Variants in SHISA9 observed in about 807,000 individuals in gnomAD.
SHISA9 encodes protein shisa-9.
SHISA9 carries 13 observed loss-of-function variants against 38.0 expected under a neutral mutation model. The observed-to-expected ratio is 0.34, with a 90% CI of 0.22 to 0.54. SHISA9 has a LOEUF of 0.54. Among genes scored for constraint, SHISA9 ranks in the 20% least tolerant of loss-of-function variants. The pLI is 0.91. For missense variants in SHISA9, 538 were observed against 575.8 expected (o/e 0.93, Z 0.67); for synonymous variants, 275 against 242.0 (o/e 1.14, Z -1.27).
chr16:13,322,710 G>A, the SHISA9 span, among the ~76,000 whole-genome samples: 1 of 152,110 alleles, frequency 6.6e-6, no homozygotes, highest in African/African-American at 2.4e-5. Context: ...TGGGGATGTG[G>A]GTGGTTGCAA....
intron 2 of SHISA9, among the ~76,000 whole-genome samples, chr16:13,139,482 C>T (rs1283103649): frequency 3.3e-5 from 5 of 149,400 alleles, no homozygotes; most frequent in Non-Finnish European, 5.9e-5. Flanking sequence ...TCCTTCCTTC[C>T]TGTCTTTCTT....
At chr16:13,049,265 G>C (rs941773398) in intron 2 of SHISA9, among the ~76,000 whole-genome samples, 1 of 151,096 alleles carries the variant, frequency 6.6e-6, no homozygotes, top group African/African-American at 2.4e-5. Context: ...TTGCCTCATA[G>C]ATATCTAGGA....
chr16:13,417,645 A>G, the SHISA9 span, among the ~76,000 whole-genome samples: 3 of 152,232 alleles, frequency 2.0e-5, no homozygotes, highest in Admixed American at 6.5e-5. Context: ...ACTGAATGTC[A>G]TCGTAGTGGG....
chr16:13,525,382 C>A, the SHISA9 span, among the ~76,000 whole-genome samples: 1 of 152,118 alleles, frequency 6.6e-6, no homozygotes, highest in Non-Finnish European at 1.5e-5. Context: ...AAAAAAGCTG[C>A]AGTTACATTA....
At chr16:13,397,256 G>A in the SHISA9 span, among the ~76,000 whole-genome samples, 1 of 152,296 alleles carries the variant, frequency 6.6e-6, no homozygotes, top group South Asian at 2.1e-4. Flanking sequence ...CCCTGGCAGG[G>A]CTTGTAATGG....
the SHISA9 span, among the ~76,000 whole-genome samples, chr16:13,367,693 T>TGCGTGCGC: frequency 1.1e-4 from 9 of 80,286 alleles, no homozygotes; most frequent in South Asian, 6.0e-3. Flanking sequence ...TACACGCGTG[T>TGCGTGCGC]GCGTGCGCGC....
chr16:13,020,774 C>T (rs543526210), intron 2 of SHISA9, among the ~76,000 whole-genome samples: 1 of 152,294 alleles, frequency 6.6e-6, no homozygotes, highest in East Asian at 1.9e-4. Context: ...GATACCAGAC[C>T]TCTGGTATTT....
At chr16:13,160,659 G>C (rs1289146696) in intron 2 of SHISA9, among the ~76,000 whole-genome samples, 1 of 152,170 alleles carries the variant, frequency 6.6e-6, no homozygotes, top group Non-Finnish European at 1.5e-5. Context: ...ATTTTATTAT[G>C]CGCTCTTTGG....
At chr16:13,406,691 A>T in the SHISA9 span, among the ~76,000 whole-genome samples, 2 of 152,214 alleles carry the variant, frequency 1.3e-5, no homozygotes, top group East Asian at 3.9e-4. Context: ...ACACATTAGG[A>T]TTTTCTGACC....
the SHISA9 span, among the ~76,000 whole-genome samples, chr16:13,380,422 C>T: frequency 6.6e-6 from 1 of 152,114 alleles, no homozygotes; most frequent in Non-Finnish European, 1.5e-5. Flanking sequence ...ATCAGTATGA[C>T]ATTGGATTTT....
chr16:13,320,434 G>A, the SHISA9 span, among the ~76,000 whole-genome samples: 1 of 151,754 alleles, frequency 6.6e-6, no homozygotes, highest in Non-Finnish European at 1.5e-5. Flanking sequence ...TCTAAACCAT[G>A]GCTTCCTTAA....
In SHISA9 at chr16:12,901,878, G is replaced by GCGAACGCGGGCTGAGC. The variant is rs2071019771; in HGVS notation, c.-183_-168dup. 1 of 206,026 alleles carries GCGAACGCGGGCTGAGC rather than the reference G, an allele frequency of 4.9e-6. No individual in the cohort carries two copies. The highest frequency in any genetic ancestry group is 2.5e-5 in the African/African-American group (1 of 40,098). The allele number at this position is 206,026 out of a possible 1,614,324, so 12.8% of individuals were successfully genotyped here. A position where few individuals can be genotyped will look rare whatever the true frequency, so the allele number is the denominator to read the frequency against. ...GCGCTGGAGGCGAACGCGGGCTGAG[G>GCGAACGCGGGCTGAGC]CGAACGCGGGCTGAGCCGAGCGCAG... is the stretch of plus-strand genomic sequence containing the variant. On this transcript the variant is annotated 5_prime_UTR_variant, in exon 1 of 5. Transcript: ENST00000558583.
intron 2 of SHISA9, among the ~76,000 whole-genome samples, chr16:13,019,844 TTCCCTCCCTCCC>T (rs1168853160): frequency 3.9e-4 from 23 of 58,568 alleles, no homozygotes; most frequent in African/African-American, 9.9e-4. Flanking sequence ...TTTTCCTTCC[TTCCCTCCCTCCC>T]TCCCTCCCTC....
At chr16:13,282,931 A>G in the SHISA9 span, among the ~76,000 whole-genome samples, 3 of 152,026 alleles carry the variant, frequency 2.0e-5, no homozygotes, top group Non-Finnish European at 4.4e-5. Context: ...ATCATTTGCG[A>G]ATATGTATAA....
the SHISA9 span, among the ~76,000 whole-genome samples, chr16:13,262,660 GGA>G: frequency 4.7e-5 from 5 of 107,404 alleles, no homozygotes; most frequent in African/African-American, 1.9e-4. Flanking sequence ...AAGGAAGGAA[GGA>G]AGGAAGGAAG....
chr16:13,077,138 C>T (rs765562337), intron 2 of SHISA9, among the ~76,000 whole-genome samples: 5 of 152,164 alleles, frequency 3.3e-5, no homozygotes, highest in Admixed American at 2.0e-4. Context: ...ATCATTATTC[C>T]GCCTTTCACC....
Position 12,968,189 on chromosome 16 carries a change from C to CAAAAAA in SHISA9, c.691+51406_691+51411dup, listed in dbSNP as rs200194973. 4.1e-4 allele frequency among the ~76,000 whole-genome samples: 34 copies of CAAAAAA among 82,044 alleles called. 4 individuals are homozygous for CAAAAAA. The highest frequency in any genetic ancestry group is 1.6e-3 in the African/African-American group (32 of 20,338). 53.8% of individuals were successfully genotyped at this position (82,044 alleles called of 152,430 possible). On this transcript the variant is annotated intron_variant, in intron 2 of 4. Transcript: ENST00000558583. ...TGGGTGACAGAGGAAGGCTCCATCT[C>CAAAAAA]AAAAAAAAAAAAAAAAAAAAAAAAA...
At chr16:13,130,488 C>T (rs1206213134) in intron 2 of SHISA9, among the ~76,000 whole-genome samples, 2 of 152,156 alleles carry the variant, frequency 1.3e-5, no homozygotes, top group African/African-American at 4.8e-5. Flanking sequence ...ATTGATACCA[C>T]ATCCTTATAT....
the SHISA9 span, among the ~76,000 whole-genome samples, chr16:13,393,020 C>T: frequency 6.6e-5 from 10 of 152,328 alleles, no homozygotes; most frequent in Non-Finnish European, 5.9e-5. Flanking sequence ...ACTAATACAA[C>T]GCCCCAGGAT....
Sources: allele counts gnomAD v4.1 joint callset (sites outside exome capture counted in the v4.1 genomes callset), GRCh38; gene constraint gnomAD v4.1.1; transcripts MANE v1.5; gene names NCBI Gene and HGNC (gene_info 2026-07-23, HGNC 2026-07-21).